SNX14: variants seen among roughly 807,000 people sequenced by gnomAD.
SNX14 encodes sorting nexin 14, also known as sorting nexin-14.
Under a neutral mutation model 133.8 loss-of-function variants are expected in SNX14, and 93 were observed. The ratio of observed to expected loss-of-function variants is 0.70; its 90% CI spans 0.59 to 0.83. The LOEUF (loss-of-function observed/expected upper bound fraction) is 0.83, where lower values mean the gene tolerates loss of function less well. SNX14 is among the 40% of genes least tolerant of loss of function. The pLI is 0.00. For synonymous variants in SNX14, 368 were observed against 365.6 expected (o/e 1.01, Z -0.07); for missense variants, 945 against 1,094.9 (o/e 0.86, Z 1.93).
chr6:85,532,309 A>C (rs1009930884), intron 18 of SNX14, among the ~76,000 whole-genome samples: 1 of 152,154 alleles, frequency 6.6e-6, no homozygotes, highest in African/African-American at 2.4e-5. Flanking sequence ...CTGAACAGCA[A>C]CTCCAGCAAA....
chr6:85,517,163 T>C, intron 23 of SNX14, among the ~76,000 whole-genome samples: 1 of 152,306 alleles, frequency 6.6e-6, no homozygotes, highest in South Asian at 2.1e-4. Flanking sequence ...TTTCTATCTA[T>C]ATATACAAGT....
At chr6:85,513,278 C>G (rs1773596734) in intron 26 of SNX14, among the ~76,000 whole-genome samples, 1 of 152,222 alleles carries the variant, frequency 6.6e-6, no homozygotes, top group South Asian at 2.1e-4. Flanking sequence ...AGGTGACCAT[C>G]CTCCTCCTTT....
chr6:85,549,468 A>T (rs1308144296), intron 8 of SNX14, among the ~76,000 whole-genome samples: 1 of 152,174 alleles, frequency 6.6e-6, no homozygotes, highest in African/African-American at 2.4e-5. Flanking sequence ...AATTTTATTC[A>T]TATTTATATT....
chr6:85,533,834 C>A, intron 17 of SNX14, 34 bp from the exon 18 acceptor site: 1 of 1,538,992 alleles, frequency 6.5e-7, no homozygotes, highest in Non-Finnish European at 8.9e-7. Context: ...ATTTAATATT[C>A]CCAATACCTT....
At chr6:85,557,250 T>C (rs929607272) in intron 7 of SNX14, among the ~76,000 whole-genome samples, 8 of 152,202 alleles carry the variant, frequency 5.3e-5, no homozygotes, top group African/African-American at 1.9e-4. Context: ...ATGAACTAAG[T>C]ACAGCGCATA....
intron 1 of SNX14, 128 bp from the exon 2 acceptor site, chr6:85,574,506 GATTA>G (rs200239160): frequency 0.011 from 6,693 of 595,472 alleles, 86 homozygotes; most frequent in South Asian, 0.046. Flanking sequence ...TTCAAATTAT[GATTA>G]ATTTTTTGTA....
chr6:85,535,283 G>A (rs900678517), intron 17 of SNX14, among the ~76,000 whole-genome samples: 25 of 151,694 alleles, frequency 1.6e-4, no homozygotes, highest in African/African-American at 6.1e-4. Flanking sequence ...CCAAAGTACT[G>A]AGATTACAAA....
intron 26 of SNX14, chr6:85,508,564 A>G (rs541367615): frequency 4.7e-4 from 99 of 210,844 alleles, no homozygotes; most frequent in African/African-American, 1.6e-3. Flanking sequence ...TTAATATCAG[A>G]AAAAAAAAGT....
intron 6 of SNX14, among the ~76,000 whole-genome samples, chr6:85,565,103 A>AAAGT (rs1402032018): frequency 6.5e-5 from 6 of 92,026 alleles, no homozygotes; most frequent in Non-Finnish European, 9.4e-5. Flanking sequence ...TGTACATTTA[A>AAAGT]AAGTAACTGA....
intron 1 of SNX14, among the ~76,000 whole-genome samples, chr6:85,575,989 T>C (rs1418481460): frequency 2.0e-5 from 3 of 152,238 alleles, no homozygotes; most frequent in Admixed American, 6.5e-5. Context: ...TCAATGTTTC[T>C]AATGTTTAAA....
chr6:85,579,949 T>TTC (rs1798529708), intron 1 of SNX14, among the ~76,000 whole-genome samples: 1 of 152,168 alleles, frequency 6.6e-6, no homozygotes, highest in South Asian at 2.1e-4. Flanking sequence ...GATGAGAGCC[T>TTC]TCTATCTGGC....
At chr6:85,569,039 C>CACCTCA (rs1435228315) in intron 4 of SNX14, among the ~76,000 whole-genome samples, 2 of 151,740 alleles carry the variant, frequency 1.3e-5, no homozygotes, top group Non-Finnish European at 2.9e-5. Context: ...AATCTTGGCT[C>CACCTCA]ACCTCAACCT....
intron 4 of SNX14, among the ~76,000 whole-genome samples, chr6:85,569,531 T>C (rs1794932142): frequency 6.6e-6 from 1 of 152,206 alleles, no homozygotes; most frequent in Admixed American, 6.5e-5. Context: ...ATGAGTCACA[T>C]GTGAAAATTC....
chr6:85,514,113 T>C lies in SNX14; in HGVS notation c.2514A>G (p.Leu838=), dbSNP rs751764361. Residue 838 remains leucine, a synonymous_variant, in exon 25 of 29, where the codon CTA becomes CTG. Coordinates refer to ENST00000314673, the MANE Select transcript of SNX14 (RefSeq NM_153816.6). The part of the protein sequence containing the change: ...DYYLQCKLEQ[L]FQEHRLVSLI... ...GTGAGACCAAACGGTGCTCCTGAAA[T>C]AGCTGTTCTAGTTTACACTGAAGAT... 28 of 1,613,618 alleles carry C rather than the reference T, an allele frequency of 1.7e-5. No individual in the cohort carries two copies. The highest frequency in any genetic ancestry group is 2.2e-5 in the Non-Finnish European group (26 of 1,179,890).
chr6:85,538,785 T>C lies in SNX14; in HGVS notation c.1475+53A>G, dbSNP rs1782712939. 14 of 1,511,022 alleles carry C rather than the reference T, an allele frequency of 9.3e-6. No individual in the cohort carries two copies. In the Admixed American group the frequency reaches 1.8e-4, roughly 19 times the overall value. The allele number at this position is 1,511,022 out of a possible 1,614,324, so 93.6% of individuals were successfully genotyped here. A position where few individuals can be genotyped will look rare whatever the true frequency, so the allele number is the denominator to read the frequency against. ...TTTATTTGTATTAGGTTGTTCACAA[T>C]GTACTTTCTAAAAACATTTAATACT... On this transcript the variant is annotated intron_variant, in intron 16 of 28. Coordinates refer to ENST00000314673, the MANE Select transcript of SNX14 (RefSeq NM_153816.6).
intron 21 of SNX14, among the ~76,000 whole-genome samples, chr6:85,520,685 T>C (rs1170573220): frequency 6.6e-6 from 1 of 152,180 alleles, no homozygotes; most frequent in Non-Finnish European, 1.5e-5. Flanking sequence ...TTCAAACTTT[T>C]CCAGCTTACA....
At chr6:85,526,863 G>A (rs1778642968) in intron 20 of SNX14, among the ~76,000 whole-genome samples, 1 of 152,284 alleles carries the variant, frequency 6.6e-6, no homozygotes, top group East Asian at 1.9e-4. Context: ...GAGGTCAGGA[G>A]TTCGAGACCA....
At chr6:85,524,789 A>C (rs919141134) in intron 21 of SNX14, among the ~76,000 whole-genome samples, 5 of 151,942 alleles carry the variant, frequency 3.3e-5, no homozygotes, top group African/African-American at 7.3e-5. Flanking sequence ...ATCACAGAAA[A>C]AAAAAAAAAA....
At chr6:85,583,961 A>C (rs1799852683) in intron 1 of SNX14, among the ~76,000 whole-genome samples, 1 of 152,214 alleles carries the variant, frequency 6.6e-6, no homozygotes, top group Non-Finnish European at 1.5e-5. Context: ...AGCTAAAAGA[A>C]CACAGTTGGA....
Sources: gnomAD v4.1 joint callset for allele counts (sites outside exome capture counted in the v4.1 genomes callset) on GRCh38, gnomAD v4.1.1 for gene constraint, MANE v1.5 for transcripts, NCBI Gene and HGNC (gene_info 2026-07-23, HGNC 2026-07-21) for gene names.